The following ZFHX3 variants were observed in gnomAD, a reference collection of about 807,000 sequenced individuals.
ZFHX3 encodes the protein zinc finger homeobox 3, also known as zinc finger homeobox protein 3.
In ZFHX3, 42 loss-of-function variants were observed where a neutral mutation model predicts 279.1. That is an observed-to-expected ratio of 0.15 (90% CI 0.12 to 0.19). The LOEUF (loss-of-function observed/expected upper bound fraction) is 0.19, where lower values mean the gene tolerates loss of function less well. Among genes scored for constraint, ZFHX3 ranks in the 10% least tolerant of loss-of-function variants. The pLI is 1.00. For synonymous variants in ZFHX3, 2,293 were observed against 1,957.8 expected, an observed-to-expected ratio of 1.17 and a Z score of -4.52; for missense variants, 4,981 against 4,754.0, an observed-to-expected ratio of 1.05 and a Z score of -1.40.
intron 3 of ZFHX3, among the ~76,000 whole-genome samples, chr16:73,425,470 T>G (rs568492016): frequency 6.6e-6 from 1 of 152,332 alleles, no homozygotes; most frequent in East Asian, 1.9e-4. Context: ...ATTTTATAGA[T>G]GAAAATACTA....
intron 2 of ZFHX3, among the ~76,000 whole-genome samples, chr16:72,956,445 G>T (rs1158308101): frequency 6.6e-6 from 1 of 152,190 alleles, no homozygotes; most frequent in Admixed American, 6.5e-5. Flanking sequence ...CTATCAGAAG[G>T]TTCTCATGAA....
chr16:73,174,802 G>C (rs749041075), intron 5 of ZFHX3, among the ~76,000 whole-genome samples: 2 of 148,920 alleles, frequency 1.3e-5, no homozygotes, highest in Non-Finnish European at 3.0e-5. Context: ...TGGATCACTT[G>C]AGGTCAGGAG....
chr16:72,889,331 CT>C (rs1213443330), intron 4 of ZFHX3, among the ~76,000 whole-genome samples: 3 of 152,040 alleles, frequency 2.0e-5, no homozygotes, highest in Non-Finnish European at 4.4e-5. Flanking sequence ...GTAGCATCTG[CT>C]TTGTCAATTT....
intron 3 of ZFHX3, among the ~76,000 whole-genome samples, chr16:73,387,936 A>T (rs2016933884): frequency 6.6e-6 from 1 of 151,850 alleles, no homozygotes; most frequent in African/African-American, 2.4e-5. Flanking sequence ...AGGGATACCA[A>T]TTTTTAAACG....
At chr16:73,055,678 ACGCGCGCGCG>A (rs141836776) in intron 1 of ZFHX3, among the ~76,000 whole-genome samples, 48 of 117,268 alleles carry the variant, frequency 4.1e-4, no homozygotes, top group South Asian at 1.6e-3. Context: ...GTGCAGACGT[ACGCGCGCGCG>A]CGCGCGCGCG....
chr16:73,036,008 A>G (rs1251243970), intron 1 of ZFHX3, among the ~76,000 whole-genome samples: 1 of 152,244 alleles, frequency 6.6e-6, no homozygotes. Flanking sequence ...ATTTCTTACT[A>G]TCAAGAGAAG....
chr16:72,787,939 C>G lies in ZFHX3; in HGVS notation c.10337G>C (p.Ser3446Thr). 6.2e-7 allele frequency: 1 copy of G among 1,613,932 alleles called. No homozygotes were observed. Among genetic ancestry groups the G allele is most frequent in the Non-Finnish European group, 8.5e-7 (1 of 1,180,006 alleles). The change falls in exon 10 of 10, where the codon AGC (serine) becomes ACC (threonine). Residue 3446 changes from serine to threonine, a missense_variant. Ser to Thr is a moderately conservative substitution (Grantham distance 58). Around this residue, in one of 7 missense-constraint regions of ZFHX3, gnomAD observed 1,034 missense variants for 786.0 expected, o/e 1.32. Coordinates refer to ENST00000268489, the MANE Select transcript of ZFHX3 (RefSeq NM_006885.4). ...GTCGTAGAGGGAGTCCGCACTTTTG[C>G]TTTCTGCTTCTGGCTCTTCAGGGAG... ...PKLPEEPEAE[S>T]KSADSLYDPF...
intron 3 of ZFHX3, among the ~76,000 whole-genome samples, chr16:72,904,446 A>T (rs1304739221): frequency 1.3e-5 from 2 of 152,108 alleles, no homozygotes; most frequent in Non-Finnish European, 2.9e-5. Flanking sequence ...AAGTTTGAAC[A>T]GATGAAGAAA....
chr16:72,940,680 T>C (rs1280697634), intron 3 of ZFHX3, among the ~76,000 whole-genome samples: 1 of 152,190 alleles, frequency 6.6e-6, no homozygotes, highest in Non-Finnish European at 1.5e-5. Flanking sequence ...GCAACCCCAG[T>C]GCACAGGCCG....
At chr16:73,608,906 TAGC>T (rs1430213441) in intron 2 of ZFHX3, 1 of 152,210 alleles carries the variant, frequency 6.6e-6, no homozygotes, top group African/African-American at 2.4e-5. Context: ...ACTGAGTTAT[TAGC>T]ATTTCTAATT....
At chr16:73,201,584 T>C (rs543964461) in intron 5 of ZFHX3, among the ~76,000 whole-genome samples, 6 of 152,352 alleles carry the variant, frequency 3.9e-5, no homozygotes, top group African/African-American at 1.4e-4. Context: ...TAAAAGGGCT[T>C]CAACAATTTT....
intron 4 of ZFHX3, among the ~76,000 whole-genome samples, chr16:73,307,157 G>C (rs996381026): frequency 6.6e-6 from 1 of 152,216 alleles, no homozygotes; most frequent in Non-Finnish European, 1.5e-5. Flanking sequence ...TTTAAATACA[G>C]TAGCTGAGGA....
At chr16:72,847,266 T>C (rs2037504419) in intron 4 of ZFHX3, among the ~76,000 whole-genome samples, 1 of 152,168 alleles carries the variant, frequency 6.6e-6, no homozygotes, top group South Asian at 2.1e-4. Flanking sequence ...TTTCTCAAAT[T>C]GGCTGTTGTA....
At chr16:72,972,862 C>A (rs1962167302) in intron 1 of ZFHX3, among the ~76,000 whole-genome samples, 2 of 152,174 alleles carry the variant, frequency 1.3e-5, no homozygotes, top group Non-Finnish European at 2.9e-5. Flanking sequence ...TCCTACAGCT[C>A]TCCATGGGTA....
chr16:73,013,081 A>G (rs1300027913), intron 1 of ZFHX3, among the ~76,000 whole-genome samples: 1 of 152,198 alleles, frequency 6.6e-6, no homozygotes, highest in African/African-American at 2.4e-5. Flanking sequence ...CAGACCTACC[A>G]ATCACGGGAG....
chr16:73,347,895 CATTGGACATGAAGCTG>C (rs910381182), intron 3 of ZFHX3, among the ~76,000 whole-genome samples: 1 of 152,138 alleles, frequency 6.6e-6, no homozygotes, highest in Non-Finnish European at 1.5e-5. Flanking sequence ...CTTTGATTCC[CATTGGACATGAAGCTG>C]ATATTTTGCA....
chr16:73,218,106 G>A (rs1255954759), intron 5 of ZFHX3, among the ~76,000 whole-genome samples: 1 of 152,070 alleles, frequency 6.6e-6, no homozygotes, highest in African/African-American at 2.4e-5. Flanking sequence ...TTAGTGTACT[G>A]TGGAACCGCC....
chr16:73,404,793 G>T (rs1254570168), intron 3 of ZFHX3, among the ~76,000 whole-genome samples: 1 of 152,140 alleles, frequency 6.6e-6, no homozygotes, highest in African/African-American at 2.4e-5. Flanking sequence ...AGCTTGTTTT[G>T]CTACCCCTCC....
intron 1 of ZFHX3, among the ~76,000 whole-genome samples, chr16:73,721,453 C>T (rs2053473060): frequency 6.6e-6 from 1 of 152,208 alleles, no homozygotes; most frequent in East Asian, 1.9e-4. Flanking sequence ...TCCTGTCTGG[C>T]CCTGTGTCAG....
Sources: gnomAD v4.1 joint callset for allele counts (sites outside exome capture counted in the v4.1 genomes callset) on GRCh38, gnomAD v4.1.1 for gene constraint, gnomAD v4.1.1 regional missense constraint, MANE v1.5 for transcripts, NCBI Gene and HGNC (gene_info 2026-07-23, HGNC 2026-07-21) for gene names.